The following SMIM10L3 variants were observed in gnomAD, a reference collection of about 807,000 sequenced individuals.
SMIM10L3 encodes salivary gland specific protein SAGSIN1.
At chr7:6,333,623 T>C in the SMIM10L3 span, among the ~76,000 whole-genome samples, 1 of 151,610 alleles carries the variant, frequency 6.6e-6, no homozygotes, top group Admixed American at 6.6e-5. Flanking sequence ...TTCAGCCTCC[T>C]GTGTCACTGG....
At chr7:6,332,113 G>GAAA in the SMIM10L3 span, among the ~76,000 whole-genome samples, 1 of 129,094 alleles carries the variant, frequency 7.7e-6, no homozygotes, top group Non-Finnish European at 1.7e-5. Flanking sequence ...CCATCTCACG[G>GAAA]AAAAAAAAAA....
the SMIM10L3 span, among the ~76,000 whole-genome samples, chr7:6,337,174 C>G: frequency 6.6e-6 from 1 of 151,856 alleles, no homozygotes; most frequent in Non-Finnish European, 1.5e-5. Context: ...CGCACTCAAG[C>G]GACTCTCCTG....
the SMIM10L3 span, chr7:6,331,276 C>T: frequency 2.0e-6 from 2 of 988,058 alleles, no homozygotes; most frequent in Non-Finnish European, 2.9e-6. Context: ...AATGAAGACA[C>T]ATGGGTCTTA....
At chr7:6,337,634 A>G in the SMIM10L3 span, among the ~76,000 whole-genome samples, 1 of 151,602 alleles carries the variant, frequency 6.6e-6, no homozygotes, top group South Asian at 2.1e-4. Flanking sequence ...AGGTACCATT[A>G]GTAATCACTT....
the SMIM10L3 span, among the ~76,000 whole-genome samples, chr7:6,334,227 T>C: frequency 6.6e-6 from 1 of 151,346 alleles, no homozygotes; most frequent in Non-Finnish European, 1.5e-5. Flanking sequence ...TGTACCCAGC[T>C]AAAGTATTTT....
At chr7:6,331,859 G>C in the SMIM10L3 span, among the ~76,000 whole-genome samples, 1 of 149,936 alleles carries the variant, frequency 6.7e-6, no homozygotes, top group South Asian at 2.1e-4. Flanking sequence ...TCCTGCCTTA[G>C]CCTTTTGAGT....
chr7:6,330,935 G>A, the SMIM10L3 span: 14 of 1,614,110 alleles, frequency 8.7e-6, no homozygotes, highest in East Asian at 2.2e-5. Context: ...TGAAGCCAGA[G>A]GCCAGCCCCG....
chr7:6,330,437 T>C, the SMIM10L3 span: 16 of 1,614,090 alleles, frequency 9.9e-6, no homozygotes, highest in Non-Finnish European at 1.4e-5. Flanking sequence ...CCCAGTGTTA[T>C]CTGCAGACCA....
chr7:6,343,196 G>A, the SMIM10L3 span, among the ~76,000 whole-genome samples: 2 of 151,174 alleles, frequency 1.3e-5, no homozygotes, highest in Non-Finnish European at 2.9e-5. Context: ...GGCCAACATG[G>A]TGAAGCCCCG....
chr7:6,334,184 T>C, the SMIM10L3 span, among the ~76,000 whole-genome samples: 2 of 151,268 alleles, frequency 1.3e-5, no homozygotes, highest in African/African-American at 4.9e-5. Flanking sequence ...CACATCAGCC[T>C]CCTGAGTAGC....
At chr7:6,341,353 G>C in the SMIM10L3 span, among the ~76,000 whole-genome samples, 1 of 150,880 alleles carries the variant, frequency 6.6e-6, no homozygotes, top group East Asian at 2.0e-4. Context: ...TGAGGCAGGA[G>C]AATGGTGTGA....
At chr7:6,341,037 G>C in the SMIM10L3 span, among the ~76,000 whole-genome samples, 5 of 150,164 alleles carry the variant, frequency 3.3e-5, no homozygotes, top group South Asian at 8.3e-4. Flanking sequence ...CCAGCTACTC[G>C]GGAGGCTGAG....
the SMIM10L3 span, chr7:6,330,131 C>T: frequency 6.6e-5 from 34 of 514,426 alleles, no homozygotes; most frequent in African/African-American, 5.8e-5. Flanking sequence ...AGGCTATGAT[C>T]GTCTCCTGAA....
chr7:6,337,310 T>C, the SMIM10L3 span, among the ~76,000 whole-genome samples: 2 of 152,024 alleles, frequency 1.3e-5, no homozygotes, highest in African/African-American at 2.4e-5. Context: ...TGAGTAGATA[T>C]GGGGTTTTAC....
At chr7:6,347,517 G>T in the SMIM10L3 span, among the ~76,000 whole-genome samples, 1 of 145,576 alleles carries the variant, frequency 6.9e-6, no homozygotes, top group African/African-American at 2.5e-5. Context: ...CTGTCTCAGG[G>T]AAAAAAAAAA....
At chr7:6,347,816 G>A in the SMIM10L3 span, among the ~76,000 whole-genome samples, 18,978 of 151,332 alleles carry the variant, frequency 0.13, 1,510 homozygotes, top group Admixed American at 0.23. Context: ...AGCACTGGGA[G>A]GCCAAGATGG....
At chr7:6,335,413 G>C in the SMIM10L3 span, among the ~76,000 whole-genome samples, 2 of 151,738 alleles carry the variant, frequency 1.3e-5, no homozygotes, top group Non-Finnish European at 2.9e-5. Flanking sequence ...ATTTTTAGTA[G>C]AGATGGTGTT....
At chr7:6,342,312 A>AG in the SMIM10L3 span, among the ~76,000 whole-genome samples, 5 of 152,120 alleles carry the variant, frequency 3.3e-5, no homozygotes, top group African/African-American at 9.6e-5. Context: ...TGGGAGGCCG[A>AG]GGCAGGTGGA....
At chr7:6,333,199 C>G in the SMIM10L3 span, among the ~76,000 whole-genome samples, 1 of 150,084 alleles carries the variant, frequency 6.7e-6, no homozygotes, top group East Asian at 1.9e-4. Context: ...CAAAAAAACA[C>G]TGGGGAGAAA....
Sources: allele counts gnomAD v4.1 joint callset (sites outside exome capture counted in the v4.1 genomes callset), GRCh38; gene constraint gnomAD v4.1.1; transcripts MANE v1.5; gene names NCBI Gene and HGNC (gene_info 2026-07-23, HGNC 2026-07-21).